The following S100Z variants were observed in gnomAD, a reference collection of about 807,000 sequenced individuals.
The protein encoded by S100Z is protein S100-Z.
In S100Z, 11 loss-of-function variants were observed where a neutral mutation model predicts 8.5. The observed-to-expected ratio is 1.30, with a 90% CI of 0.82 to 2.15. S100Z has a LOEUF of 2.15. S100Z is among the 30% of genes most tolerant of loss of function. The pLI is 0.00. For missense variants in S100Z, 126 were observed against 117.9 expected (o/e 1.07, Z -0.32); for synonymous variants, 34 against 43.8 (o/e 0.78, Z 0.89).
At chr5:76,924,417 A>C (rs1172160198), downstream of S100Z, among the ~76,000 whole-genome samples, 1 of 152,134 alleles carries the variant, frequency 6.6e-6, no homozygotes, top group Non-Finnish European at 1.5e-5. Context: ...AAAGCTTCAG[A>C]GGGTGAAGAA....
intron 4 of S100Z, among the ~76,000 whole-genome samples, chr5:76,892,860 C>A (rs143570408): frequency 6.6e-6 from 1 of 152,220 alleles, no homozygotes; most frequent in East Asian, 1.9e-4. Context: ...ATCAAGTATG[C>A]ATTTGTCTCA....
the S100Z span, among the ~76,000 whole-genome samples, chr5:76,929,100 A>G: frequency 0.21 from 31,348 of 152,166 alleles, 3,547 homozygotes; most frequent in Middle Eastern, 0.35. Flanking sequence ...AGTAGGAGAA[A>G]CCTAATAGTC....
intron 4 of S100Z, among the ~76,000 whole-genome samples, chr5:76,920,325 T>A (rs1744999635): frequency 6.6e-6 from 1 of 152,230 alleles, no homozygotes; most frequent in Non-Finnish European, 1.5e-5. Context: ...ATTCATGAAA[T>A]GTGTTGGAGT....
intron 4 of S100Z, among the ~76,000 whole-genome samples, chr5:76,893,905 A>G (rs1001542496): frequency 1.3e-5 from 2 of 152,198 alleles, no homozygotes; most frequent in Admixed American, 1.3e-4. Flanking sequence ...CCTTTGGAAT[A>G]CAGAATCCAT....
At position 76,900,009 on chromosome 5, in the gene S100Z, C is replaced by T. The variant is rs1015955743; in HGVS notation, c.*3-20708C>T. On this transcript the variant is annotated intron_variant, in intron 4 of 4. Coordinates refer to ENST00000317593, the MANE Select transcript of S100Z (RefSeq NM_130772.4). ...TTGACGGATATTTTCACTGGATATA[C>T]TATTGTAGGGTAAAAGCTTTTTTCC... Among the ~76,000 whole-genome samples, 3 of 152,322 alleles carry T rather than the reference C, an allele frequency of 2.0e-5. No homozygotes were observed. The East Asian group carries it at 5.8e-4, about 29-fold the overall frequency.
At chr5:76,922,597 G>C (rs1282461757), downstream of S100Z, among the ~76,000 whole-genome samples, 1 of 152,100 alleles carries the variant, frequency 6.6e-6, no homozygotes, top group African/African-American at 2.4e-5. Context: ...ACGATCGGCT[G>C]ACTGCAAGCT....
the S100Z span, among the ~76,000 whole-genome samples, chr5:76,943,980 C>T: frequency 4.6e-5 from 7 of 152,040 alleles, no homozygotes; most frequent in African/African-American, 1.7e-4. Context: ...TAACAGATTG[C>T]GTTATAATAT....
intron 3 of S100Z, among the ~76,000 whole-genome samples, chr5:76,875,779 GC>G (rs1303327811): frequency 6.6e-6 from 1 of 152,162 alleles, no homozygotes; most frequent in Non-Finnish European, 1.5e-5. Flanking sequence ...CAAAGATGTA[GC>G]TAATTATAGC....
intron 4 of S100Z, among the ~76,000 whole-genome samples, chr5:76,905,482 G>A (rs541396190): frequency 1.7e-4 from 26 of 151,548 alleles, no homozygotes; most frequent in African/African-American, 5.3e-4. Flanking sequence ...GCATGATTTC[G>A]GTTCATCGCA....
the S100Z span, among the ~76,000 whole-genome samples, chr5:76,939,302 A>T: frequency 6.6e-6 from 1 of 151,568 alleles, no homozygotes; most frequent in East Asian, 2.0e-4. Context: ...ACAGGCGCCC[A>T]CCACCACGCC....
At chr5:76,918,080 T>C (rs943213704) in intron 4 of S100Z, among the ~76,000 whole-genome samples, 5 of 152,270 alleles carry the variant, frequency 3.3e-5, no homozygotes, top group Non-Finnish European at 7.3e-5. Flanking sequence ...TTTTGATTGA[T>C]AACGTCAATT....
chr5:76,928,232 G>T, the S100Z span, among the ~76,000 whole-genome samples: 1 of 152,122 alleles, frequency 6.6e-6, no homozygotes, highest in African/African-American at 2.4e-5. Context: ...GGGAAACAAG[G>T]ACCATAACAG....
At chr5:76,901,799 C>T (rs1039581671) in intron 4 of S100Z, among the ~76,000 whole-genome samples, 28 of 152,214 alleles carry the variant, frequency 1.8e-4, no homozygotes, top group Admixed American at 2.6e-4. Flanking sequence ...ATAGCCACCA[C>T]AGCTGGGAAT....
intron 1 of S100Z, among the ~76,000 whole-genome samples, chr5:76,859,768 CAAAAA>C (rs70982653): frequency 3.1e-5 from 3 of 97,646 alleles, no homozygotes; most frequent in Admixed American, 1.2e-4. Flanking sequence ...GCAACAGAGC[CAAAAA>C]AAAAAAAAAA....
chr5:76,893,087 AT>A (rs1743922817), intron 4 of S100Z, among the ~76,000 whole-genome samples: 1 of 152,004 alleles, frequency 6.6e-6, no homozygotes, highest in Admixed American at 6.6e-5. Context: ...CCCAATCTTA[AT>A]TTTTCCCTTT....
At chr5:76,943,879 C>T in the S100Z span, among the ~76,000 whole-genome samples, 96,359 of 152,006 alleles carry the variant, frequency 0.63, 30,897 homozygotes, top group South Asian at 0.77. Flanking sequence ...GAATGGGGCC[C>T]GAGGCAAAAG....
Position 76,877,688 on chromosome 5 carries a change from C to A in S100Z, c.156C>A (p.Thr52=). Residue 52 remains threonine (T), a synonymous_variant, in exon 4 of 5, where the codon ACC becomes ACA. Transcript: ENST00000317593. ...TCTCATTTTAGTGCCAAAAGGAAAC[C>A]CAGTTGGTTGATAAGATAGTGCAGG... is the stretch of plus-strand genomic sequence containing the variant. ...LTEFLSCQKE[T]QLVDKIVQDL... is the part of the protein sequence containing the mutation. 6.2e-7 allele frequency: 1 copy of A among 1,601,774 alleles called. No individual in the cohort carries two copies. The highest frequency in any genetic ancestry group is 8.5e-7 in the Non-Finnish European group (1 of 1,171,718).
chr5:76,911,821 T>C (rs1413750734), intron 4 of S100Z, among the ~76,000 whole-genome samples: 1 of 152,202 alleles, frequency 6.6e-6, no homozygotes, highest in Non-Finnish European at 1.5e-5. Context: ...AAATACAGCC[T>C]ATACTGGCTT....
At chr5:76,902,368 T>A (rs530034942) in intron 4 of S100Z, among the ~76,000 whole-genome samples, 1 of 152,340 alleles carries the variant, frequency 6.6e-6, no homozygotes, top group South Asian at 2.1e-4. Context: ...TCTGCTGAAT[T>A]TGATCCAGTT....
Sources: gnomAD v4.1 joint callset for allele counts (sites outside exome capture counted in the v4.1 genomes callset) on GRCh38, gnomAD v4.1.1 for gene constraint, MANE v1.5 for transcripts, NCBI Gene and HGNC (gene_info 2026-07-23, HGNC 2026-07-21) for gene names.